CTNNBL1: variants seen among roughly 807,000 people sequenced by gnomAD.
CTNNBL1 encodes catenin beta like 1, also known as beta-catenin-like protein 1.
Under a neutral mutation model 72.7 loss-of-function variants are expected in CTNNBL1, and 31 were observed. The ratio of observed to expected loss-of-function variants is 0.43; its 90% CI spans 0.32 to 0.58. CTNNBL1 has a LOEUF of 0.58. Ranked by LOEUF, CTNNBL1 falls within the 20% of genes least tolerant of loss-of-function variation. CTNNBL1 has a pLI of 0.08. For missense variants in CTNNBL1, 534 were observed against 725.1 expected, an observed-to-expected ratio of 0.74 and a Z score of 3.03; for synonymous variants, 240 against 267.3, an observed-to-expected ratio of 0.90 and a Z score of 1.00.
At chr20:37,758,295 T>G (rs963730035) in intron 5 of CTNNBL1, among the ~76,000 whole-genome samples, 1 of 152,220 alleles carries the variant, frequency 6.6e-6, no homozygotes, top group Non-Finnish European at 1.5e-5. Context: ...TTCTGCCATC[T>G]TTTGAGGAGC....
chr20:37,773,804 A>T (rs747519973), intron 7 of CTNNBL1, among the ~76,000 whole-genome samples: 3 of 151,968 alleles, frequency 2.0e-5, no homozygotes, highest in Non-Finnish European at 2.9e-5. Flanking sequence ...AGTTTTCATC[A>T]TCTGATATGA....
chr20:37,714,993 C>G (rs372455419), intron 1 of CTNNBL1, among the ~76,000 whole-genome samples: 15 of 152,274 alleles, frequency 9.9e-5, no homozygotes, highest in African/African-American at 3.6e-4. Flanking sequence ...CACCTCACCC[C>G]CCCGTTCACG....
In CTNNBL1 at chr20:37,831,577, C is replaced by T. The variant is rs185412505; in HGVS notation, c.1214-8525C>T. ...GTGACGGGGTTTTACCATGTTAGCC[C>T]GGGTGGTCTCGATCTCCTAACCTTG... is the stretch of plus-strand genomic sequence containing the variant. On this transcript the variant is annotated intron_variant, in intron 11 of 15. Transcript: ENST00000361383. Among the ~76,000 whole-genome samples the T allele has an allele frequency of 9.9e-5, 15 of 152,078 alleles. No homozygotes were observed. The East Asian group carries it at 2.7e-3, about 27-fold the overall frequency.
chr20:37,777,464 G>C lies in CTNNBL1; in HGVS notation c.823+47G>C, dbSNP rs898227190. ...GATATTCTGTTAGGATAGGAGCCAG[G>C]CTTGTTTCAGATCATGACAGCAAGC... On this transcript the variant is annotated intron_variant, in intron 8 of 15. Coordinates refer to ENST00000361383, the MANE Select transcript of CTNNBL1 (RefSeq NM_030877.5). 3.8e-6 allele frequency: 6 copies of C among 1,582,516 alleles called. No homozygotes were observed. The African/African-American group carries it at 8.1e-5, about 21-fold the overall frequency.
chr20:37,861,662 G>A (rs6067923), intron 15 of CTNNBL1, among the ~76,000 whole-genome samples: 57,501 of 152,064 alleles, frequency 0.38, 11,182 homozygotes, highest in Admixed American at 0.49. Context: ...AGTGAAGCAC[G>A]GTTAAGAGCG....
chr20:37,848,538 G>C (rs557834289), intron 13 of CTNNBL1, among the ~76,000 whole-genome samples: 1 of 152,242 alleles, frequency 6.6e-6, no homozygotes, highest in East Asian at 1.9e-4. Context: ...AGTAAAACTT[G>C]TGACAGGGGG....
intron 11 of CTNNBL1, among the ~76,000 whole-genome samples, chr20:37,821,334 G>T (rs761749511): frequency 6.6e-6 from 1 of 152,200 alleles, no homozygotes. Context: ...TGCCTTACGC[G>T]TGGGGGTGGA....
chr20:37,812,876 A>T (rs1311804724), intron 11 of CTNNBL1, among the ~76,000 whole-genome samples: 4 of 152,220 alleles, frequency 2.6e-5, no homozygotes, highest in Non-Finnish European at 5.9e-5. Flanking sequence ...GTGGGAGCAC[A>T]GGAGGGGCTC....
At chr20:37,808,868 T>C (rs1404017033) in intron 11 of CTNNBL1, among the ~76,000 whole-genome samples, 1 of 152,070 alleles carries the variant, frequency 6.6e-6, no homozygotes, top group African/African-American at 2.4e-5. Flanking sequence ...TCATCTTTTC[T>C]GCTTGGTAAA....
chr20:37,714,681 C>T (rs973356878), intron 1 of CTNNBL1, among the ~76,000 whole-genome samples: 1 of 152,222 alleles, frequency 6.6e-6, no homozygotes, highest in Non-Finnish European at 1.5e-5. Flanking sequence ...GCTGTTTTCT[C>T]TTTACCCAGC....
At chr20:37,844,939 C>T (rs2072334885) in intron 13 of CTNNBL1, among the ~76,000 whole-genome samples, 1 of 152,072 alleles carries the variant, frequency 6.6e-6, no homozygotes, top group South Asian at 2.1e-4. Context: ...CAGAGCGAGA[C>T]CCTGTCTCAA....
intron 11 of CTNNBL1, among the ~76,000 whole-genome samples, chr20:37,814,303 C>G (rs1004230019): frequency 4.5e-4 from 68 of 152,260 alleles, no homozygotes; most frequent in African/African-American, 1.6e-3. Context: ...TGTCAGTAGT[C>G]CTGGCCCCAG....
At chr20:37,707,749 G>A (rs748539779) in intron 1 of CTNNBL1, among the ~76,000 whole-genome samples, 4 of 152,174 alleles carry the variant, frequency 2.6e-5, no homozygotes, top group East Asian at 3.8e-4. Flanking sequence ...AACAGGCCTC[G>A]CTTTCGGCCC....
At chr20:37,765,155 T>C (rs2073454804) in intron 5 of CTNNBL1, 42 bp from the exon 6 acceptor site, 1 of 1,399,778 alleles carries the variant, frequency 7.1e-7, no homozygotes, top group African/African-American at 1.4e-5. Flanking sequence ...TGGGGACCAT[T>C]TTATGACATC....
intron 1 of CTNNBL1, chr20:37,727,464 C>A: frequency 2.1e-6 from 1 of 468,894 alleles, no homozygotes; most frequent in Non-Finnish European, 2.8e-6. Flanking sequence ...GTGGGAAATG[C>A]TTAGCTTTTA....
chr20:37,779,408 T>C lies in CTNNBL1; in HGVS notation c.1031+73T>C, dbSNP rs1600482828. On this transcript the variant is annotated intron_variant, in intron 10 of 15. Transcript: ENST00000361383. ...CACTGTTAGCCTGAATTCAAGAGCA[T>C]GTAGCTATGATCATTTATTCTGTTG... The C allele has an allele frequency of 5.2e-6, 8 of 1,528,460 alleles. No homozygotes were observed. In the East Asian group the frequency reaches 1.6e-4, roughly 30 times the overall value. 94.7% of individuals were successfully genotyped at this position (1,528,460 alleles called of 1,614,324 possible).
intron 7 of CTNNBL1, among the ~76,000 whole-genome samples, chr20:37,772,261 C>T (rs1196224279): frequency 6.6e-6 from 1 of 152,230 alleles, no homozygotes; most frequent in South Asian, 2.1e-4. Flanking sequence ...TCACCTAGTG[C>T]CTTGTTAGGC....
chr20:37,714,767 T>C (rs977060297), intron 1 of CTNNBL1, among the ~76,000 whole-genome samples: 7 of 152,256 alleles, frequency 4.6e-5, no homozygotes, highest in African/African-American at 1.7e-4. Context: ...ATCTGGCCTA[T>C]CCATTTCCAT....
At chr20:37,785,716 C>G (rs548970024) in intron 10 of CTNNBL1, among the ~76,000 whole-genome samples, 1 of 152,306 alleles carries the variant, frequency 6.6e-6, no homozygotes, top group African/African-American at 2.4e-5. Flanking sequence ...GCTCACATAT[C>G]TCTGTCTTGC....
Sources: allele counts gnomAD v4.1 joint callset (sites outside exome capture counted in the v4.1 genomes callset), GRCh38; gene constraint gnomAD v4.1.1; transcripts MANE v1.5; gene names NCBI Gene and HGNC (gene_info 2026-07-23, HGNC 2026-07-21).